The following HIVEP3 variants were observed in gnomAD, a reference collection of about 807,000 sequenced individuals.
HIVEP3 encodes the protein transcription factor HIVEP3.
A neutral mutation model predicts 152.8 loss-of-function variants in HIVEP3; 49 were observed. The observed-to-expected ratio is 0.32, with a 90% confidence interval of 0.26 to 0.41. The LOEUF (loss-of-function observed/expected upper bound fraction) is 0.41. Among genes scored for constraint, HIVEP3 ranks in the 10% least tolerant of loss-of-function variants. The pLI is 1.00. For synonymous variants in HIVEP3, 1,269 were observed against 1,289.0 expected (o/e 0.98, Z 0.33); for missense variants, 2,790 against 3,103.3 (o/e 0.90, Z 2.40).
At position 41,662,889 on chromosome 1, in the gene HIVEP3, G is replaced by C. The variant is rs1645739722; in HGVS notation, c.-720-33942C>G. Among the ~76,000 whole-genome samples, 1 of 152,158 alleles carries C rather than the reference G, an allele frequency of 6.6e-6. No homozygotes were observed. The highest frequency in any genetic ancestry group is 2.1e-4 in the South Asian group (1 of 4,836). ...GTGTGCGCTCCCCGCCTTCCCCCTG[G>C]GTGCCAGCCGGGCTCCGGGAAGCCC... On this transcript the variant is annotated intron_variant, in intron 2 of 8. Transcript: ENST00000372583. The surrounding 1 kb of genome is among the most constrained non-coding windows in gnomAD (Gnocchi z 7.2).
chr1:41,613,813 A>G (rs1364245267), intron 3 of HIVEP3, among the ~76,000 whole-genome samples: 2 of 152,158 alleles, frequency 1.3e-5, no homozygotes, highest in African/African-American at 4.8e-5. Flanking sequence ...ATCACTCCAC[A>G]TTCCCTTCCC....
At chr1:41,764,423 G>C (rs953039497) in intron 1 of HIVEP3, among the ~76,000 whole-genome samples, 3 of 152,324 alleles carry the variant, frequency 2.0e-5, no homozygotes, top group East Asian at 1.9e-4. Context: ...AGGTGCGGGT[G>C]GGGGGCATGA....
rs528871895 is a variant in HIVEP3, at chr1:41,752,157, A to G, written c.-800-51162T>C. Among the ~76,000 whole-genome samples, 7 of 152,292 alleles carry G rather than the reference A, an allele frequency of 4.6e-5. No homozygotes were observed. In the South Asian group the frequency reaches 1.5e-3, roughly 32 times the overall value. ...TGTTTGATTTCCGAAAATCTTCTTG[A>G]TGACATCAGAATCCAACGATCAGAG... On this transcript the variant is annotated intron_variant, in intron 1 of 8. Coordinates refer to ENST00000372583, the MANE Select transcript of HIVEP3 (RefSeq NM_024503.5).
At chr1:41,652,422 T>A (rs1321919907) in intron 2 of HIVEP3, among the ~76,000 whole-genome samples, 4 of 152,134 alleles carry the variant, frequency 2.6e-5, no homozygotes, top group Admixed American at 6.5e-5. Context: ...CTAACCCTGA[T>A]ATGCCTGGGG....
rs539665500 is a variant in HIVEP3, at chr1:41,584,677, C to G, written c.121G>C (p.Gly41Arg). Residue 41 changes from glycine to arginine, a missense_variant, in exon 4 of 9, where the codon GGC becomes CGC. By Grantham distance (125) the Gly-to-Arg change is moderately radical (BLOSUM62 -2). Transcript: ENST00000372583. This position sits in a 1 kb window ranked among gnomAD's most constrained non-coding sequence, Gnocchi z 5.2. Reference sequence around the variant, plus strand: ...GGGCTCTCTTGGGTGGCAGCTGTGCCGCTGCCTGGGTATGGGACGCTGGAA... The same window carrying G: ...GGGCTCTCTTGGGTGGCAGCTGTGCGGCTGCCTGGGTATGGGACGCTGGAA... ...VSSSVPYPGSGTAATQESPAQ... is the reference protein window; with the variant it reads ...VSSSVPYPGSRTAATQESPAQ... 1.3e-6 allele frequency: 2 copies of G among 1,585,542 alleles called. No individual in the cohort carries two copies. The highest frequency in any genetic ancestry group is 8.6e-7 in the Non-Finnish European group (1 of 1,166,222).
chr1:41,926,670 G>A (rs1238784054), intron 1 of HIVEP3, among the ~76,000 whole-genome samples: 1 of 151,864 alleles, frequency 6.6e-6, no homozygotes, highest in East Asian at 1.9e-4. Context: ...CCCCCATCGT[G>A]AAGTTTTAGT....
intron 1 of HIVEP3, among the ~76,000 whole-genome samples, chr1:41,760,955 G>T (rs1314577996): frequency 6.6e-6 from 1 of 152,198 alleles, no homozygotes; most frequent in Non-Finnish European, 1.5e-5. Context: ...CCTCTCAAAT[G>T]TAGGCCATTT....
chr1:41,584,366 G>T lies in HIVEP3; in HGVS notation c.432C>A (p.Leu144=). ...VAPGLHPQSQ[L]LPSHASIIPP... ...GAATGATGGAAGCGTGGGAAGGAAGGAGCTGGCTCTGAGGATGGAGCCCAG... is the reference window on the plus strand; with the variant it reads ...GAATGATGGAAGCGTGGGAAGGAAGTAGCTGGCTCTGAGGATGGAGCCCAG... The change falls in exon 4 of 9, where the codon CTC becomes CTA. Residue 144 remains leucine (L), a synonymous_variant. Coordinates refer to ENST00000372583, the MANE Select transcript of HIVEP3 (RefSeq NM_024503.5). The surrounding 1 kb of genome is among the most constrained non-coding windows in gnomAD (Gnocchi z 5.2). 1.2e-6 allele frequency: 2 copies of T among 1,613,832 alleles called. No homozygotes were observed. Among genetic ancestry groups the T allele is most frequent in the Non-Finnish European group, 1.7e-6 (2 of 1,179,852 alleles).
intron 3 of HIVEP3, among the ~76,000 whole-genome samples, chr1:41,627,051 G>A (rs775236714): frequency 2.0e-5 from 3 of 152,236 alleles, no homozygotes; most frequent in Non-Finnish European, 4.4e-5. Context: ...AACCATGTGG[G>A]CAGCAGCATC....
At chr1:42,009,925 C>T (rs1163138216) in intron 1 of HIVEP3, among the ~76,000 whole-genome samples, 1 of 152,122 alleles carries the variant, frequency 6.6e-6, no homozygotes, top group Non-Finnish European at 1.5e-5. Context: ...TATATCATGT[C>T]CTTTTAAAAA....
In HIVEP3 at chr1:41,986,729, C is replaced by T. The variant is rs113487497; in HGVS notation, n.119+49078G>A. On this transcript the variant is annotated intron_variant and non_coding_transcript_variant, in intron 1 of 3. Transcript: ENST00000489103. The stretch of plus-strand genomic sequence containing the variant: ...TGCTGGGATTACAGGCGTGAGCCAC[C>T]GCGCCCTGCCGAATAGGACATTTTT... 5.1e-3 allele frequency among the ~76,000 whole-genome samples: 777 copies of T among 152,290 alleles called. 7 individuals are homozygous for T. Among genetic ancestry groups the T allele is most frequent in the African/African-American group, 0.018 (743 of 41,550 alleles).
rs112109422 is a variant in HIVEP3 at position 41,689,512 on chromosome 1, G to A, written c.-721+11404C>T. On this transcript the variant is annotated intron_variant, in intron 2 of 8. Transcript: ENST00000372583. Reference sequence around the variant, plus strand: ...TAGTAACCAGGACTTTCCATTTCACGGGAGAGAGTCCCTGGGAGGAAAAAC... The same window carrying A: ...TAGTAACCAGGACTTTCCATTTCACAGGAGAGAGTCCCTGGGAGGAAAAAC... Among the ~76,000 whole-genome samples the A allele has an allele frequency of 5.9e-5, 9 of 152,268 alleles. 1 individual carries two copies. The highest frequency in any genetic ancestry group is 2.2e-4 in the African/African-American group (9 of 41,542).
chr1:41,748,655 A>G (rs1172765180), intron 1 of HIVEP3, among the ~76,000 whole-genome samples: 1 of 152,224 alleles, frequency 6.6e-6, no homozygotes, highest in Non-Finnish European at 1.5e-5. Context: ...CGTTGATACT[A>G]TCACAGTCAC....
chr1:41,829,631 T>G (rs183020720), intron 1 of HIVEP3, among the ~76,000 whole-genome samples: 25 of 151,832 alleles, frequency 1.6e-4, no homozygotes, highest in African/African-American at 5.8e-4. Context: ...AAACAGCAGA[T>G]GTAAATGACA....
chr1:41,803,696 C>G (rs1352128753), intron 1 of HIVEP3, among the ~76,000 whole-genome samples: 1 of 152,260 alleles, frequency 6.6e-6, no homozygotes, highest in Non-Finnish European at 1.5e-5. Flanking sequence ...CTGCCAAGAA[C>G]AGTGTTCCTT....
At chr1:41,848,651 A>C (rs762227657) in intron 1 of HIVEP3, among the ~76,000 whole-genome samples, 2 of 152,184 alleles carry the variant, frequency 1.3e-5, no homozygotes, top group Non-Finnish European at 2.9e-5. Context: ...CAACATCCTC[A>C]GAGATGAAAG....
At chr1:41,792,208 C>A (rs373641114) in intron 1 of HIVEP3, among the ~76,000 whole-genome samples, 9 of 152,198 alleles carry the variant, frequency 5.9e-5, no homozygotes, top group East Asian at 3.9e-4. Context: ...ACACTGAGCA[C>A]AAGTAAAGTT....
rs186225683 is a variant in HIVEP3 at position 41,721,162 on chromosome 1, A to G, written c.-800-20167T>C. Among the ~76,000 whole-genome samples the G allele has an allele frequency of 2.6e-5, 4 of 152,042 alleles. No individual in the cohort carries two copies. In the East Asian group the frequency reaches 7.7e-4, roughly 29 times the overall value. On this transcript the variant is annotated intron_variant, in intron 1 of 8. Transcript: ENST00000372583. Reference sequence around the variant, plus strand: ...TGAATGATACTTTATCTACTTAAACATTGGTTGAAAGGTAGATCTCATGTG... The same window carrying G: ...TGAATGATACTTTATCTACTTAAACGTTGGTTGAAAGGTAGATCTCATGTG...
At chr1:41,797,935 G>A (rs564259080) in intron 1 of HIVEP3, among the ~76,000 whole-genome samples, 164 of 152,012 alleles carry the variant, frequency 1.1e-3, no homozygotes, top group African/African-American at 3.3e-3. Context: ...AGCCGAGATC[G>A]CACCATGGTA....
Sources: allele counts gnomAD v4.1 joint callset (sites outside exome capture counted in the v4.1 genomes callset), GRCh38; gene constraint gnomAD v4.1.1; non-coding constraint Gnocchi (gnomAD v3.1); transcripts MANE v1.5; gene names NCBI Gene and HGNC (gene_info 2026-07-23, HGNC 2026-07-21).